TG: variants seen among roughly 807,000 people sequenced by gnomAD.
The protein encoded by TG is thyroglobulin.
A neutral mutation model predicts 324.7 loss-of-function variants in TG; 270 were observed. The ratio of observed to expected loss-of-function variants is 0.83; its 90% confidence interval spans 0.75 to 0.92. The LOEUF is 0.92. Among genes scored for constraint, TG ranks in the 40% least tolerant of loss-of-function variants. The pLI, the probability that TG is intolerant of heterozygous loss-of-function variation, is 0.00. For synonymous variants in TG, 1,401 were observed against 1,327.0 expected (o/e 1.06, Z -1.21); for missense variants, 3,591 against 3,456.4 (o/e 1.04, Z -0.98).
intron 5 of TG, among the ~76,000 whole-genome samples, 169 bp from the exon 6 acceptor site, chr8:132,881,694 T>C (rs1179838512): frequency 6.6e-6 from 1 of 152,216 alleles, no homozygotes; most frequent in Non-Finnish European, 1.5e-5. Flanking sequence ...GTTAAACTAA[T>C]TTGTAAAGGA....
intron 14 of TG, among the ~76,000 whole-genome samples, 169 bp from the exon 15 acceptor site, chr8:132,900,068 C>T (rs890985448): frequency 3.5e-4 from 53 of 152,324 alleles, no homozygotes; most frequent in African/African-American, 9.9e-4. Context: ...AAATGATGCA[C>T]GTAAAGGGCT....
rs752307255 is a variant in TG, at chr8:132,969,559, A to G, written c.5965A>G (p.Ile1989Val). ...TAAAGTGCCCATGTCTGAAAAATCTATTTCTAATGGGTAAGCTACTTGTGT... is the reference window on the plus strand; with the variant it reads ...TAAAGTGCCCATGTCTGAAAAATCTGTTTCTAATGGGTAAGCTACTTGTGT... ...RNKVPMSEKS[I>V]SNGFFECERR... Residue 1989 changes from isoleucine (I) to valine (V), a missense_variant, in exon 32 of 48, where the codon ATT (isoleucine) becomes GTT (valine). By Grantham distance (29) the Ile-to-Val change is conservative. Coordinates refer to ENST00000220616, the MANE Select transcript of TG (RefSeq NM_003235.5). The G allele has an allele frequency of 1.1e-5, 18 of 1,603,806 alleles. No homozygotes were observed. Among genetic ancestry groups the G allele is most frequent in the Non-Finnish European group, 1.5e-5 (18 of 1,170,818 alleles).
At chr8:133,070,337 C>T (rs952275743) in intron 41 of TG, among the ~76,000 whole-genome samples, 80 of 147,854 alleles carry the variant, frequency 5.4e-4, no homozygotes, top group Non-Finnish European at 2.7e-4. Flanking sequence ...TCCCAACAAG[C>T]ATCTGTTTTT....
At chr8:132,908,390 T>TA (rs1433951638) in intron 18 of TG, 50 bp downstream of exon 18, 3 of 1,506,962 alleles carry the variant, frequency 2.0e-6, no homozygotes, top group Non-Finnish European at 2.7e-6. Flanking sequence ...AACTCAGGGT[T>TA]ACGGTGTCAG....
intron 43 of TG, among the ~76,000 whole-genome samples, chr8:133,111,836 A>G (rs1388454917): frequency 2.0e-5 from 3 of 152,262 alleles, no homozygotes; most frequent in Non-Finnish European, 4.4e-5. Context: ...TTTTTCCCCA[A>G]TAATCAAAAT....
At chr8:132,983,303 T>TA (rs1564036036) in intron 34 of TG, 47 bp from the exon 35 acceptor site, 5 of 1,592,460 alleles carry the variant, frequency 3.1e-6, no homozygotes, top group Non-Finnish European at 4.3e-6. Context: ...AACTCGATGA[T>TA]ACCATGGGGG....
intron 35 of TG, among the ~76,000 whole-genome samples, chr8:133,004,431 G>A (rs1833841696): frequency 6.6e-6 from 1 of 152,128 alleles, no homozygotes; most frequent in African/African-American, 2.4e-5. Flanking sequence ...GTGACCTGGG[G>A]CTGCCTCTGT....
At chr8:133,109,834 G>A (rs1310472638) in intron 43 of TG, among the ~76,000 whole-genome samples, 1 of 152,144 alleles carries the variant, frequency 6.6e-6, no homozygotes, top group Admixed American at 6.5e-5. Flanking sequence ...TCTCCTCTAA[G>A]TTCCAGCAAA....
intron 41 of TG, among the ~76,000 whole-genome samples, chr8:133,054,118 A>G (rs1453097159): frequency 2.0e-5 from 3 of 152,152 alleles, no homozygotes; most frequent in South Asian, 2.1e-4. Context: ...AATGCAATGT[A>G]GGAAATTTAA....
chr8:133,098,534 G>A (rs958186970), intron 43 of TG, among the ~76,000 whole-genome samples: 9 of 152,168 alleles, frequency 5.9e-5, no homozygotes, highest in Non-Finnish European at 1.0e-4. Context: ...CAAAATCTCT[G>A]TGCACAAGAC....
intron 35 of TG, among the ~76,000 whole-genome samples, chr8:133,000,859 C>T (rs144220177): frequency 6.4e-4 from 97 of 152,262 alleles, no homozygotes; most frequent in African/African-American, 2.1e-3. Context: ...GCTGCCATAA[C>T]AAAGTACCAC....
chr8:132,921,796 A>G (rs776229498), intron 21 of TG, among the ~76,000 whole-genome samples: 4 of 152,246 alleles, frequency 2.6e-5, no homozygotes, highest in Non-Finnish European at 5.9e-5. Context: ...GTATTAACTC[A>G]TGTATAGCAT....
chr8:132,987,712 TGTGTGTGTG>T (rs1831736952), intron 35 of TG, among the ~76,000 whole-genome samples: 1 of 114,510 alleles, frequency 8.7e-6, no homozygotes, highest in Non-Finnish European at 1.9e-5. Flanking sequence ...TTTATACGTG[TGTGTGTGTG>T]GTGTGTGTGT....
At chr8:133,029,691 T>A in intron 40 of TG, 130 bp from the exon 41 acceptor site, 2 of 1,093,424 alleles carry the variant, frequency 1.8e-6, no homozygotes, top group Non-Finnish European at 2.7e-6. Flanking sequence ...ACCCACAGTC[T>A]CTACCTGTGA....
intron 27 of TG, among the ~76,000 whole-genome samples, chr8:132,951,322 T>C (rs1826070943): frequency 6.6e-6 from 1 of 152,188 alleles, no homozygotes; most frequent in African/African-American, 2.4e-5. Context: ...CAGAATTTGG[T>C]GGAATTCCAT....
At position 133,115,958 on chromosome 8, in the gene TG, G is replaced by T. The variant is rs1014398127; in HGVS notation, c.7755-651G>T. On this transcript the variant is annotated intron_variant, in intron 44 of 47. Coordinates refer to ENST00000220616, the MANE Select transcript of TG (RefSeq NM_003235.5). ...GGACTGGATCTTTTTTTCTTATGTGGCTCCCTTTTCCACTGTAGGATGTTC... is the reference window on the plus strand; with the variant it reads ...GGACTGGATCTTTTTTTCTTATGTGTCTCCCTTTTCCACTGTAGGATGTTC... Among the ~76,000 whole-genome samples, 4 of 152,060 alleles carry T rather than the reference G, an allele frequency of 2.6e-5. No homozygotes were observed. In the East Asian group the frequency reaches 5.8e-4, roughly 22 times the overall value.
chr8:133,029,787 C>A, intron 40 of TG, 34 bp from the exon 41 acceptor site: 2 of 1,613,408 alleles, frequency 1.2e-6, no homozygotes, highest in African/African-American at 1.3e-5. Flanking sequence ...GTTGTAAAGT[C>A]ACAAAGGATA....
At chr8:132,921,834 A>T (rs1284242369) in intron 21 of TG, among the ~76,000 whole-genome samples, 1 of 152,232 alleles carries the variant, frequency 6.6e-6, no homozygotes, top group Non-Finnish European at 1.5e-5. Flanking sequence ...TTCTATTTAA[A>T]AATAGCCTTT....
chr8:133,087,157 C>T (rs1846719832), intron 41 of TG, among the ~76,000 whole-genome samples: 1 of 151,088 alleles, frequency 6.6e-6, no homozygotes, highest in Non-Finnish European at 1.5e-5. Context: ...TAGCATTTAA[C>T]AGTGGTTTTC....
Sources: gnomAD v4.1 joint callset for allele counts (sites outside exome capture counted in the v4.1 genomes callset) on GRCh38, gnomAD v4.1.1 for gene constraint, MANE v1.5 for transcripts, NCBI Gene and HGNC (gene_info 2026-07-23, HGNC 2026-07-21) for gene names.